ATF6: variants seen among roughly 807,000 people sequenced by gnomAD.
ATF6 encodes the protein activating transcription factor 6.
In ATF6, 53 loss-of-function variants were observed where a neutral mutation model predicts 83.6. The ratio of observed to expected loss-of-function variants is 0.63; its 90% CI spans 0.51 to 0.80. The LOEUF (loss-of-function observed/expected upper bound fraction) is 0.80, where lower values mean the gene tolerates loss of function less well. Among genes scored for constraint, ATF6 ranks in the 30% least tolerant of loss-of-function variants. The pLI, the probability that ATF6 is intolerant of heterozygous loss-of-function variation, is 0.00. For missense variants in ATF6, 744 were observed against 797.9 expected (o/e 0.93, Z 0.81); for synonymous variants, 288 against 285.8 (o/e 1.01, Z -0.08).
chr1:161,914,532 G>A (rs192941337), intron 15 of ATF6, among the ~76,000 whole-genome samples: 6 of 152,022 alleles, frequency 3.9e-5, no homozygotes, highest in African/African-American at 9.6e-5. Context: ...CTTTTATTCC[G>A]CGCCACCTCA....
chr1:161,830,737 C>T (rs1405644036), intron 9 of ATF6, among the ~76,000 whole-genome samples: 7 of 152,340 alleles, frequency 4.6e-5, no homozygotes, highest in Admixed American at 2.0e-4. Flanking sequence ...GGAAAACTGG[C>T]TAGCCATATG....
intron 14 of ATF6, among the ~76,000 whole-genome samples, chr1:161,885,039 T>C (rs1193854063): frequency 6.6e-6 from 1 of 152,174 alleles, no homozygotes; most frequent in Non-Finnish European, 1.5e-5. Context: ...TACTTTACTT[T>C]TAGCAGTAAA....
intron 15 of ATF6, among the ~76,000 whole-genome samples, chr1:161,930,074 T>C (rs745879164): frequency 3.9e-5 from 6 of 152,200 alleles, no homozygotes; most frequent in Non-Finnish European, 7.4e-5. Context: ...ATCTTTAAAG[T>C]TCCCCCTTGG....
chr1:161,868,182 G>C (rs1271149650), intron 14 of ATF6, among the ~76,000 whole-genome samples: 1 of 152,084 alleles, frequency 6.6e-6, no homozygotes, highest in African/African-American at 2.4e-5. Context: ...ACACTTTACT[G>C]ATTCATACTC....
intron 14 of ATF6, among the ~76,000 whole-genome samples, chr1:161,911,998 C>G (rs80147258): frequency 0.045 from 6,794 of 152,148 alleles, 311 homozygotes; most frequent in African/African-American, 0.12. Flanking sequence ...AATCCCTTGT[C>G]TTGACTGCTT....
intron 15 of ATF6, among the ~76,000 whole-genome samples, chr1:161,948,728 G>A (rs1257310277): frequency 1.3e-5 from 2 of 152,210 alleles, no homozygotes; most frequent in Non-Finnish European, 2.9e-5. Context: ...AGGGCTGCAT[G>A]TTGCAGAACT....
chr1:161,819,590 AT>A, intron 7 of ATF6, 42 bp from the exon 8 acceptor site: 1 of 1,458,060 alleles, frequency 6.9e-7, no homozygotes, highest in Non-Finnish European at 9.1e-7. Context: ...TTTTGATCTG[AT>A]TTTAAAACCA....
intron 14 of ATF6, among the ~76,000 whole-genome samples, chr1:161,905,405 T>G (rs1687860858): frequency 6.6e-6 from 1 of 152,230 alleles, no homozygotes; most frequent in Non-Finnish European, 1.5e-5. Flanking sequence ...CTAATAACTT[T>G]TCTCAGGAAA....
intron 14 of ATF6, among the ~76,000 whole-genome samples, chr1:161,869,984 A>C (rs1381413799): frequency 6.6e-6 from 1 of 151,402 alleles, no homozygotes; most frequent in Non-Finnish European, 1.5e-5. Flanking sequence ...GGTAAGCATT[A>C]GAACTAGGGC....
intron 14 of ATF6, among the ~76,000 whole-genome samples, chr1:161,866,988 A>T (rs533299652): frequency 6.6e-6 from 1 of 152,080 alleles, no homozygotes; most frequent in African/African-American, 2.4e-5. Context: ...GGACTCAATA[A>T]TGCTTATTTT....
At chr1:161,895,816 A>G (rs991137513) in intron 14 of ATF6, among the ~76,000 whole-genome samples, 3 of 152,208 alleles carry the variant, frequency 2.0e-5, no homozygotes, top group Admixed American at 6.5e-5. Flanking sequence ...CATGCCTTAT[A>G]CTGATTAGAT....
At chr1:161,880,328 ATGTGTG>A (rs138587790) in intron 14 of ATF6, among the ~76,000 whole-genome samples, 1 of 147,920 alleles carries the variant, frequency 6.8e-6, no homozygotes, top group Non-Finnish European at 1.5e-5. Flanking sequence ...TGTGATATGT[ATGTGTG>A]TGTGTGTGTG....
intron 14 of ATF6, among the ~76,000 whole-genome samples, chr1:161,895,695 T>C (rs1687657168): frequency 6.6e-6 from 1 of 152,192 alleles, no homozygotes; most frequent in Admixed American, 6.5e-5. Context: ...TGCTTTTAGG[T>C]TGGGGCTTCA....
At chr1:161,808,183 T>G (rs1056531766) in intron 7 of ATF6, among the ~76,000 whole-genome samples, 3 of 152,108 alleles carry the variant, frequency 2.0e-5, no homozygotes, top group Admixed American at 6.5e-5. Context: ...CCCAGCAGTT[T>G]GGCATCTTTA....
At chr1:161,934,885 A>G (rs1176479469) in intron 15 of ATF6, among the ~76,000 whole-genome samples, 2 of 152,136 alleles carry the variant, frequency 1.3e-5, no homozygotes. Context: ...ATCCATTGTG[A>G]TAACCATTCC....
intron 10 of ATF6, among the ~76,000 whole-genome samples, 186 bp downstream of exon 10, chr1:161,846,766 T>C (rs1686495585): frequency 6.6e-6 from 1 of 152,142 alleles, no homozygotes; most frequent in South Asian, 2.1e-4. Context: ...CTTTGAAACC[T>C]TTTGTAGTTT....
At chr1:161,928,733 A>G (rs1304782722) in intron 15 of ATF6, among the ~76,000 whole-genome samples, 1 of 152,176 alleles carries the variant, frequency 6.6e-6, no homozygotes, top group Non-Finnish European at 1.5e-5. Flanking sequence ...ATAGCATTTA[A>G]TAGTAAAAAT....
At chr1:161,922,817 C>G (rs1688238725) in intron 15 of ATF6, among the ~76,000 whole-genome samples, 1 of 151,890 alleles carries the variant, frequency 6.6e-6, no homozygotes, top group South Asian at 2.1e-4. Context: ...GATACGAGAT[C>G]AGATCGGGAA....
intron 6 of ATF6, among the ~76,000 whole-genome samples, chr1:161,801,359 C>CTTTT (rs1170991022): frequency 1.3e-4 from 12 of 95,294 alleles, no homozygotes; most frequent in African/African-American, 4.4e-4. Context: ...TATTTGTAGT[C>CTTTT]TTTTTTTTTT....
Sources: gnomAD v4.1 joint callset for allele counts (sites outside exome capture counted in the v4.1 genomes callset) on GRCh38, gnomAD v4.1.1 for gene constraint, MANE v1.5 for transcripts, NCBI Gene and HGNC (gene_info 2026-07-23, HGNC 2026-07-21) for gene names.